The following HS6ST3 variants were observed in gnomAD, a reference collection of about 807,000 sequenced individuals.
HS6ST3 encodes heparan sulfate 6-O-sulfotransferase 3.
Under a neutral mutation model 36.7 loss-of-function variants are expected in HS6ST3, and 12 were observed. The ratio of observed to expected loss-of-function variants is 0.33; its 90% CI spans 0.21 to 0.53. The LOEUF (loss-of-function observed/expected upper bound fraction) is 0.53. Among genes scored for constraint, HS6ST3 ranks in the 20% least tolerant of loss-of-function variants. HS6ST3 has a pLI of 0.95. For missense variants in HS6ST3, 584 were observed against 640.9 expected (o/e 0.91, Z 0.96); for synonymous variants, 240 against 257.5 (o/e 0.93, Z 0.65).
At chr13:96,463,849 A>G (rs937005134) in intron 1 of HS6ST3, among the ~76,000 whole-genome samples, 15 of 152,092 alleles carry the variant, frequency 9.9e-5, no homozygotes, top group Non-Finnish European at 2.2e-4. Context: ...TAGTCAAGGA[A>G]AGAATTGAAA....
At chr13:96,176,323 A>C (rs1329153453) in intron 1 of HS6ST3, among the ~76,000 whole-genome samples, 1 of 152,150 alleles carries the variant, frequency 6.6e-6, no homozygotes, top group African/African-American at 2.4e-5. Context: ...AACAGTACCT[A>C]AGGATAATCA....
At chr13:96,498,442 TG>T (rs1272116313) in intron 1 of HS6ST3, among the ~76,000 whole-genome samples, 1 of 152,172 alleles carries the variant, frequency 6.6e-6, no homozygotes, top group East Asian at 1.9e-4. Flanking sequence ...CACTCACCTC[TG>T]GGCCTCTTTA....
At chr13:96,190,388 C>T (rs2054283302) in intron 1 of HS6ST3, among the ~76,000 whole-genome samples, 1 of 152,190 alleles carries the variant, frequency 6.6e-6, no homozygotes, top group Non-Finnish European at 1.5e-5. Flanking sequence ...CTATCTTCTA[C>T]ATGGATACAT....
intron 1 of HS6ST3, among the ~76,000 whole-genome samples, chr13:96,672,160 T>C (rs1331719809): frequency 6.6e-6 from 1 of 152,172 alleles, no homozygotes; most frequent in Non-Finnish European, 1.5e-5. Context: ...AAGATTTTGC[T>C]CTCTTGTGTC....
At chr13:96,403,404 T>G (rs1427809861) in intron 1 of HS6ST3, among the ~76,000 whole-genome samples, 3 of 152,200 alleles carry the variant, frequency 2.0e-5, no homozygotes, top group African/African-American at 7.2e-5. Flanking sequence ...TACCTTGGTT[T>G]CAGAGTTTTA....
chr13:96,305,976 G>C (rs898703771), intron 1 of HS6ST3, among the ~76,000 whole-genome samples: 1 of 151,240 alleles, frequency 6.6e-6, no homozygotes, highest in African/African-American at 2.4e-5. Flanking sequence ...GTAGTGGCCA[G>C]GCTGGAGTGC....
chr13:96,703,412 G>A (rs1160699992), intron 1 of HS6ST3, among the ~76,000 whole-genome samples: 1 of 152,188 alleles, frequency 6.6e-6, no homozygotes, highest in Admixed American at 6.5e-5. Context: ...ATTTACTGGT[G>A]CATCCTAATT....
intron 1 of HS6ST3, chr13:96,574,080 T>C: frequency 5.5e-6 from 3 of 541,994 alleles, no homozygotes; most frequent in East Asian, 1.0e-4. Context: ...CATGGCTGCA[T>C]TGGGACCTTC....
intron 1 of HS6ST3, among the ~76,000 whole-genome samples, chr13:96,505,266 T>G (rs3893234): frequency 0.75 from 114,105 of 152,066 alleles, 44,068 homozygotes; most frequent in Non-Finnish European, 0.83. Context: ...GAACAGGCAG[T>G]CTTCCACTAA....
intron 1 of HS6ST3, among the ~76,000 whole-genome samples, chr13:96,289,517 A>G (rs1290210260): frequency 6.6e-6 from 1 of 152,192 alleles, no homozygotes; most frequent in African/African-American, 2.4e-5. Context: ...TGCTCACACA[A>G]CTGGCAATCA....
At chr13:96,749,945 C>A (rs1310500681) in intron 1 of HS6ST3, among the ~76,000 whole-genome samples, 2 of 151,956 alleles carry the variant, frequency 1.3e-5, no homozygotes, top group Non-Finnish European at 2.9e-5. Context: ...AATCCATGGG[C>A]ATAAGAATAA....
intron 1 of HS6ST3, among the ~76,000 whole-genome samples, chr13:96,777,792 C>T (rs534531298): frequency 6.6e-6 from 1 of 152,192 alleles, no homozygotes; most frequent in South Asian, 2.1e-4. Flanking sequence ...CAAGTTACCA[C>T]TGACTTTCTT....
intron 1 of HS6ST3, among the ~76,000 whole-genome samples, chr13:96,671,061 T>C (rs540036351): frequency 1.3e-5 from 2 of 152,258 alleles, no homozygotes; most frequent in South Asian, 4.1e-4. Context: ...AGTACACCAC[T>C]GGAGAGTAAC....
intron 1 of HS6ST3, among the ~76,000 whole-genome samples, chr13:96,099,821 T>A (rs2053809221): frequency 6.6e-6 from 1 of 152,256 alleles, no homozygotes; most frequent in South Asian, 2.1e-4. Context: ...TCTGGATATT[T>A]AAGCGTAAAC....
At chr13:96,664,209 AGTGTATGT>A (rs1399444221) in intron 1 of HS6ST3, among the ~76,000 whole-genome samples, 1 of 152,206 alleles carries the variant, frequency 6.6e-6, no homozygotes, top group Non-Finnish European at 1.5e-5. Flanking sequence ...TATGCAACAT[AGTGTATGT>A]GTGTATGTGC....
At chr13:96,492,010 G>A (rs2138906170) in intron 1 of HS6ST3, among the ~76,000 whole-genome samples, 1 of 152,272 alleles carries the variant, frequency 6.6e-6, no homozygotes, top group Middle Eastern at 3.4e-3. Flanking sequence ...AATGAGAGCA[G>A]TTACCTTAAT....
intron 1 of HS6ST3, among the ~76,000 whole-genome samples, chr13:96,380,283 G>A (rs1374286933): frequency 1.6e-5 from 2 of 122,954 alleles, no homozygotes; most frequent in Non-Finnish European, 3.4e-5. Context: ...TTTTTTTTTC[G>A]AGATGGAGTC....
intron 1 of HS6ST3, among the ~76,000 whole-genome samples, chr13:96,384,397 T>G (rs1261638241): frequency 6.6e-6 from 1 of 152,242 alleles, no homozygotes; most frequent in African/African-American, 2.4e-5. Context: ...ATGTCAAGTA[T>G]GATTACTGAA....
chr13:96,806,909 T>A (rs1340325738), intron 1 of HS6ST3, among the ~76,000 whole-genome samples: 1 of 152,164 alleles, frequency 6.6e-6, no homozygotes, highest in Non-Finnish European at 1.5e-5. Flanking sequence ...GCCTGTTAGA[T>A]CTCCTCTTTT....
Sources: allele counts gnomAD v4.1 joint callset (sites outside exome capture counted in the v4.1 genomes callset), GRCh38; gene constraint gnomAD v4.1.1; transcripts MANE v1.5; gene names NCBI Gene and HGNC (gene_info 2026-07-23, HGNC 2026-07-21).